Variants in DACH1 observed in about 807,000 individuals in gnomAD.
DACH1 encodes dachshund family transcription factor 1, also known as dachshund homolog 1.
Under a neutral mutation model 54.2 loss-of-function variants are expected in DACH1, and 12 were observed. The ratio of observed to expected loss-of-function variants is 0.22; its 90% CI spans 0.14 to 0.36. DACH1 has a LOEUF of 0.36. DACH1 is among the 10% of genes least tolerant of loss of function. The pLI, the probability that DACH1 is intolerant of heterozygous loss-of-function variation, is 1.00. For missense variants in DACH1, 805 were observed against 929.8 expected, an observed-to-expected ratio of 0.87 and a Z score of 1.75; for synonymous variants, 386 against 366.2, an observed-to-expected ratio of 1.05 and a Z score of -0.62.
chr13:71,500,590 C>A (rs1879830045), intron 6 of DACH1, among the ~76,000 whole-genome samples: 1 of 152,130 alleles, frequency 6.6e-6, no homozygotes, highest in African/African-American at 2.4e-5. Context: ...CTACATTCTT[C>A]ATTTTTCAGA....
At chr13:71,615,127 A>G (rs1416849711) in intron 3 of DACH1, among the ~76,000 whole-genome samples, 2 of 152,122 alleles carry the variant, frequency 1.3e-5, no homozygotes, top group African/African-American at 4.8e-5. Flanking sequence ...GTAAAACTTA[A>G]ACTATAAAAG....
At chr13:71,664,755 C>T (rs145316009) in intron 2 of DACH1, among the ~76,000 whole-genome samples, 22 of 152,086 alleles carry the variant, frequency 1.4e-4, no homozygotes, top group East Asian at 1.4e-3. Context: ...TTATGAGTGA[C>T]GCCTTCGTAT....
At chr13:71,710,164 G>A (rs920241589) in intron 1 of DACH1, among the ~76,000 whole-genome samples, 4 of 152,122 alleles carry the variant, frequency 2.6e-5, no homozygotes, top group African/African-American at 9.7e-5. Context: ...TTTGTCTGAA[G>A]AGGGATTGAA....
At chr13:71,629,626 ATTAAC>A (rs1876933729) in intron 3 of DACH1, among the ~76,000 whole-genome samples, 1 of 152,168 alleles carries the variant, frequency 6.6e-6, no homozygotes, top group Admixed American at 6.6e-5. Flanking sequence ...AGAGCTGACA[ATTAAC>A]TTAAGAAATA....
At chr13:71,778,393 G>A (rs1886157983) in intron 1 of DACH1, among the ~76,000 whole-genome samples, 1 of 151,934 alleles carries the variant, frequency 6.6e-6, no homozygotes, top group Non-Finnish European at 1.5e-5. Flanking sequence ...TAGAGTAAAT[G>A]TTAGAGGAAT....
intron 6 of DACH1, among the ~76,000 whole-genome samples, chr13:71,544,381 T>C (rs1219586061): frequency 6.6e-6 from 1 of 152,158 alleles, no homozygotes; most frequent in Non-Finnish European, 1.5e-5. Flanking sequence ...GGTTTGAAAA[T>C]ACAACAATGT....
chr13:71,702,983 T>C (rs1159934953), intron 1 of DACH1, among the ~76,000 whole-genome samples: 1 of 152,200 alleles, frequency 6.6e-6, no homozygotes, highest in African/African-American at 2.4e-5. Flanking sequence ...TCTAACATAT[T>C]TATTGCCATC....
At chr13:71,710,660 T>C (rs1477857390) in intron 1 of DACH1, among the ~76,000 whole-genome samples, 1 of 152,098 alleles carries the variant, frequency 6.6e-6, no homozygotes, top group Admixed American at 6.6e-5. Context: ...AAAATAAGGT[T>C]TGAGTAAGTA....
chr13:71,524,877 A>T (rs1355291622), intron 6 of DACH1, among the ~76,000 whole-genome samples: 3 of 152,142 alleles, frequency 2.0e-5, no homozygotes, highest in Non-Finnish European at 4.4e-5. Context: ...AAGGATAATC[A>T]GTACAGTCAC....
At chr13:71,517,966 A>G (rs1881287214) in intron 6 of DACH1, among the ~76,000 whole-genome samples, 1 of 151,934 alleles carries the variant, frequency 6.6e-6, no homozygotes, top group Admixed American at 6.6e-5. Context: ...GCCTAACTGA[A>G]GAAGCTATTA....
intron 10 of DACH1, chr13:71,464,769 C>T (rs1296655241): frequency 4.4e-6 from 2 of 452,006 alleles, no homozygotes; most frequent in Non-Finnish European, 8.9e-6. Flanking sequence ...GTCACTTAAA[C>T]TTAGAAATTT....
chr13:71,568,992 A>G (rs1310471956), intron 4 of DACH1, among the ~76,000 whole-genome samples: 1 of 152,006 alleles, frequency 6.6e-6, no homozygotes, highest in Non-Finnish European at 1.5e-5. Context: ...CCTCAAAATA[A>G]TCTTGATTAT....
intron 1 of DACH1, among the ~76,000 whole-genome samples, chr13:71,748,714 G>GA (rs991444224): frequency 1.3e-5 from 2 of 152,056 alleles, no homozygotes; most frequent in African/African-American, 4.8e-5. Flanking sequence ...TGTTAGCTCA[G>GA]AAAATAATGT....
chr13:71,551,528 G>A (rs940081990), intron 6 of DACH1, among the ~76,000 whole-genome samples: 11 of 152,058 alleles, frequency 7.2e-5, no homozygotes, highest in Non-Finnish European at 1.5e-4. Context: ...TAGTTCCCAT[G>A]TATGTGAGAA....
At chr13:71,479,056 A>G in intron 8 of DACH1, 113 bp downstream of exon 8, 3 of 962,760 alleles carry the variant, frequency 3.1e-6, no homozygotes, top group Non-Finnish European at 4.4e-6. Context: ...TCTGAACTTT[A>G]GCTACCGTTA....
chr13:71,626,451 C>T (rs1260498508), intron 3 of DACH1, among the ~76,000 whole-genome samples: 1 of 151,916 alleles, frequency 6.6e-6, no homozygotes, highest in Non-Finnish European at 1.5e-5. Flanking sequence ...TCCGCCTTTG[C>T]ATTATCCCAG....
intron 1 of DACH1, among the ~76,000 whole-genome samples, chr13:71,783,581 C>T (rs542168120): frequency 1.3e-5 from 2 of 152,006 alleles, no homozygotes; most frequent in South Asian, 2.1e-4. Flanking sequence ...AATACAGAAA[C>T]GATAACCAAC....
intron 1 of DACH1, among the ~76,000 whole-genome samples, chr13:71,816,624 ATATATACACACACATATGTGTG>A (rs1887952145): frequency 5.5e-5 from 8 of 144,890 alleles, no homozygotes; most frequent in African/African-American, 7.7e-5. Flanking sequence ...ATACACGTGT[ATATATACACACACATATGTGTG>A]TATATATATA....
chr13:71,602,200 CT>C (rs1412181421), intron 3 of DACH1, among the ~76,000 whole-genome samples: 1 of 151,912 alleles, frequency 6.6e-6, no homozygotes, highest in Non-Finnish European at 1.5e-5. Flanking sequence ...TCAACATTTC[CT>C]TTAATAATTA....
Sources: allele counts gnomAD v4.1 joint callset (sites outside exome capture counted in the v4.1 genomes callset), GRCh38; gene constraint gnomAD v4.1.1; transcripts MANE v1.5; gene names NCBI Gene and HGNC (gene_info 2026-07-23, HGNC 2026-07-21).